SIPA1L3: variants seen among roughly 807,000 people sequenced by gnomAD.
The protein encoded by SIPA1L3 is signal-induced proliferation-associated 1-like protein 3.
SIPA1L3 carries 59 observed loss-of-function variants against 150.1 expected under a neutral mutation model. The observed-to-expected ratio is 0.39, with a 90% CI of 0.32 to 0.49. The LOEUF (loss-of-function observed/expected upper bound fraction) is 0.49. Among genes scored for constraint, SIPA1L3 ranks in the 20% least tolerant of loss-of-function variants. The pLI is 0.86. For missense variants in SIPA1L3, 2,211 were observed against 2,489.5 expected (o/e 0.89, Z 2.38); for synonymous variants, 1,070 against 1,077.6 (o/e 0.99, Z 0.14).
intron 1 of SIPA1L3, among the ~76,000 whole-genome samples, chr19:37,996,992 C>G (rs833899): frequency 6.6e-6 from 1 of 151,830 alleles, no homozygotes; most frequent in South Asian, 2.1e-4. Flanking sequence ...CCACCGTGCC[C>G]GGCCAATCCT....
At chr19:38,022,149 T>C (rs932379428) in intron 1 of SIPA1L3, among the ~76,000 whole-genome samples, 3 of 152,230 alleles carry the variant, frequency 2.0e-5, no homozygotes, top group Admixed American at 1.3e-4. Flanking sequence ...GTCTACTTGC[T>C]GTGTGATCTT....
chr19:37,940,400 G>A (rs772003475), intron 1 of SIPA1L3, among the ~76,000 whole-genome samples: 2 of 151,888 alleles, frequency 1.3e-5, no homozygotes, highest in Non-Finnish European at 2.9e-5. Context: ...TTATTTTAAC[G>A]CTAAATAGTT....
intron 2 of SIPA1L3, among the ~76,000 whole-genome samples, chr19:38,065,347 C>T (rs1490042368): frequency 2.0e-5 from 3 of 150,486 alleles, no homozygotes; most frequent in African/African-American, 7.3e-5. Flanking sequence ...ATTCTGACTT[C>T]TAGAAGGTAA....
At chr19:38,201,769 T>A (rs1274190167) in intron 19 of SIPA1L3, 93 bp from the exon 20 acceptor site, 3 of 1,389,268 alleles carry the variant, frequency 2.2e-6, no homozygotes. Flanking sequence ...ATAGGAGGCA[T>A]CATGGAGGTT....
In SIPA1L3 at chr19:38,110,382, C is replaced by T. The variant is rs760529207; in HGVS notation, c.2289C>T (p.Tyr763=). The stretch of plus-strand genomic sequence containing the variant: ...ACCCCTGCACTGATAACGTCTGTTA[C>T]AGGTATGCCCCCCACACCCGGCCCC... ...VHNPCTDNVC[Y]SMAVTRSKDA... is the part of the protein sequence containing the mutation. Residue 763 remains tyrosine (Y), a splice_region_variant and synonymous_variant, in exon 8 of 22, where the codon TAC becomes TAT. Transcript: ENST00000222345. The T allele has an allele frequency of 4.3e-6, 7 of 1,611,934 alleles. No individual in the cohort carries two copies. The Admixed American group carries it at 6.7e-5, about 15-fold the overall frequency.
intron 2 of SIPA1L3, among the ~76,000 whole-genome samples, chr19:38,034,089 A>T (rs1028776980): frequency 6.6e-6 from 1 of 151,910 alleles, no homozygotes; most frequent in African/African-American, 2.4e-5. Context: ...CTTTCCCCTC[A>T]TGGACACATC....
chr19:38,048,972 A>G (rs976259301), intron 2 of SIPA1L3, among the ~76,000 whole-genome samples: 3 of 151,934 alleles, frequency 2.0e-5, no homozygotes, highest in East Asian at 1.9e-4. Flanking sequence ...AGTCCCAGCT[A>G]TCGTGAGGCT....
intron 1 of SIPA1L3, among the ~76,000 whole-genome samples, chr19:38,020,412 C>G (rs1332317655): frequency 2.6e-5 from 4 of 152,142 alleles, no homozygotes; most frequent in Non-Finnish European, 4.4e-5. Context: ...ATCTGATTAG[C>G]TGGGGTCTGG....
At chr19:37,938,780 A>C (rs1454476227) in intron 1 of SIPA1L3, among the ~76,000 whole-genome samples, 1 of 151,422 alleles carries the variant, frequency 6.6e-6, no homozygotes, top group African/African-American at 2.4e-5. Context: ...CTGCCACCAC[A>C]CCCAGCTAAT....
chr19:38,178,106 TGTGTGTGTGTG>T, intron 15 of SIPA1L3, among the ~76,000 whole-genome samples: 1 of 129,750 alleles, frequency 7.7e-6, no homozygotes, highest in Middle Eastern at 3.6e-3. Context: ...TGTGTGTGTG[TGTGTGTGTGTG>T]TGTGTGTGTG....
At chr19:38,084,941 A>T (rs1003399444) in intron 3 of SIPA1L3, among the ~76,000 whole-genome samples, 12 of 151,954 alleles carry the variant, frequency 7.9e-5, no homozygotes, top group African/African-American at 2.7e-4. Flanking sequence ...TGCCCAGCTC[A>T]CAGCAACTAG....
Position 38,140,032 on chromosome 19 carries a change from G to A in SIPA1L3, c.3144-1152G>A, listed in dbSNP as rs189523739. Among the ~76,000 whole-genome samples the A allele has an allele frequency of 2.8e-3, 426 of 152,310 alleles. 3 individuals are homozygous for A. Among genetic ancestry groups the A allele is most frequent in the African/African-American group, 9.1e-3 (378 of 41,556 alleles). ...TTAAGTTTCCAACACGTGACTTTTG[G>A]GGGAACACACATCCAGACCATAGCA... On this transcript the variant is annotated intron_variant, in intron 10 of 21. Transcript: ENST00000222345.
chr19:38,000,268 AC>A (rs897623236), intron 1 of SIPA1L3, among the ~76,000 whole-genome samples: 134 of 152,144 alleles, frequency 8.8e-4, no homozygotes, highest in African/African-American at 3.2e-3. Context: ...GGAGTTTGAC[AC>A]CAGCCTGGCC....
At chr19:37,985,454 G>A (rs1171563053) in intron 1 of SIPA1L3, among the ~76,000 whole-genome samples, 4 of 152,028 alleles carry the variant, frequency 2.6e-5, no homozygotes, top group Non-Finnish European at 5.9e-5. Flanking sequence ...CTTGAAGCCA[G>A]GAGTTCAAAA....
intron 1 of SIPA1L3, among the ~76,000 whole-genome samples, chr19:37,972,158 A>G (rs1966955758): frequency 7.4e-6 from 1 of 135,398 alleles, no homozygotes; most frequent in Non-Finnish European, 1.5e-5. Flanking sequence ...GGAATAAGGC[A>G]GAGATACCTA....
intron 6 of SIPA1L3, among the ~76,000 whole-genome samples, chr19:38,103,901 CAAAA>C (rs66888884): frequency 5.3e-4 from 51 of 96,258 alleles, no homozygotes; most frequent in East Asian, 1.6e-3. Context: ...GACTCCATAT[CAAAA>C]AAAAAAAAAA....
intron 2 of SIPA1L3, among the ~76,000 whole-genome samples, chr19:38,037,689 A>G (rs964699787): frequency 2.6e-5 from 4 of 152,186 alleles, no homozygotes; most frequent in African/African-American, 9.7e-5. Flanking sequence ...GGACACAGGC[A>G]GTGAACCAGG....
chr19:37,989,236 TA>T (rs948930497), intron 1 of SIPA1L3, among the ~76,000 whole-genome samples: 108 of 152,316 alleles, frequency 7.1e-4, no homozygotes, highest in African/African-American at 2.5e-3. Context: ...TGTTTGCTTT[TA>T]AAGACAAGAT....
At position 38,198,343 on chromosome 19, in the gene SIPA1L3, C is replaced by T. The variant is rs369546196; in HGVS notation, c.4841-46C>T. On this transcript the variant is annotated intron_variant, in intron 18 of 21. Transcript: ENST00000222345. The stretch of plus-strand genomic sequence containing the variant: ...GATGTCTTCATGTATTTGTGTCTCC[C>T]GCATTGTCACACTCAACCACTGCCA... The T allele has an allele frequency of 1.9e-4, 275 of 1,458,652 alleles. 1 individual carries two copies. Among genetic ancestry groups the T allele is most frequent in the Non-Finnish European group, 2.4e-4 (263 of 1,101,000 alleles). The allele number at this position is 1,458,652 out of a possible 1,614,324, so 90.4% of individuals were successfully genotyped here.
Sources: gnomAD v4.1 joint callset for allele counts (sites outside exome capture counted in the v4.1 genomes callset) on GRCh38, gnomAD v4.1.1 for gene constraint, MANE v1.5 for transcripts, NCBI Gene and HGNC (gene_info 2026-07-23, HGNC 2026-07-21) for gene names.